Variants in RBFOX1 observed in about 807,000 individuals in gnomAD.
The protein encoded by RBFOX1 is RNA binding protein fox-1 homolog 1.
RBFOX1 carries 8 observed loss-of-function variants against 57.7 expected under a neutral mutation model. The observed-to-expected ratio is 0.14, with a 90% confidence interval of 0.08 to 0.25. The LOEUF is 0.25. Ranked by LOEUF, RBFOX1 falls within the 10% of genes least tolerant of loss-of-function variation. The pLI is 1.00. For missense variants in RBFOX1, 611 were observed against 548.5 expected, an observed-to-expected ratio of 1.11 and a Z score of -1.14; for synonymous variants, 326 against 222.4, an observed-to-expected ratio of 1.47 and a Z score of -4.15.
chr16:7,144,417 C>CTTCTTCT lies in RBFOX1; in HGVS notation c.27+92321_27+92322insCTTCTTT, dbSNP rs3046798. On this transcript the variant is annotated intron_variant, in intron 4 of 15. Transcript: ENST00000550418. ...TCTTTTCTCTTTCTTTTTCTTTCTT[C>CTTCTTCT]TTTTTTTTTTTTTTTTTTTTTGAGT... Among the ~76,000 whole-genome samples, 312 of 66,914 alleles carry CTTCTTCT rather than the reference C, an allele frequency of 4.7e-3. 8 individuals carry two copies. The highest frequency in any genetic ancestry group is 0.031 in the Middle Eastern group (2 of 64). The allele number at this position is 66,914 out of a possible 152,430, so 43.9% of individuals were successfully genotyped here.
chr16:6,247,092 T>A (rs554206891), intron 1 of RBFOX1, among the ~76,000 whole-genome samples: 2 of 152,216 alleles, frequency 1.3e-5, no homozygotes, highest in African/African-American at 4.8e-5. Flanking sequence ...CTAAAAAAAA[T>A]TCTGACCACT....
intron 11 of RBFOX1, among the ~76,000 whole-genome samples, chr16:7,635,582 C>G (rs536004250): frequency 2.0e-5 from 3 of 151,826 alleles, no homozygotes; most frequent in Non-Finnish European, 4.4e-5. Flanking sequence ...GGGCGGGGGA[C>G]GGTGTGTTAT....
intron 3 of RBFOX1, among the ~76,000 whole-genome samples, chr16:5,741,985 C>G (rs2052784427): frequency 6.6e-6 from 1 of 152,172 alleles, no homozygotes; most frequent in African/African-American, 2.4e-5. Flanking sequence ...CTCCTCTCTT[C>G]TCAGTCTTTT....
rs1208475850 is a variant in RBFOX1, at chr16:7,281,043, C to T, written c.27+228945C>T. ...TCCGAGACAGAGTGAGTCTCCTTCA[C>T]CCAGGCTGAAGTGCAGTGGCACAGT... On this transcript the variant is annotated intron_variant, in intron 4 of 15. Transcript: ENST00000550418. Among the ~76,000 whole-genome samples the T allele has an allele frequency of 3.6e-5, 5 of 139,816 alleles. No homozygotes were observed. In the Admixed American group the frequency reaches 3.7e-4, roughly 10 times the overall value. The allele number at this position is 139,816 out of a possible 152,430, so 91.7% of individuals were successfully genotyped here.
At chr16:7,074,990 G>A (rs116706230) in intron 4 of RBFOX1, among the ~76,000 whole-genome samples, 1,541 of 152,164 alleles carry the variant, frequency 0.01, 30 homozygotes, top group African/African-American at 0.035. Flanking sequence ...TCAAAGGGAA[G>A]TCAAAGGGTG....
At chr16:6,569,479 C>T (rs1346138013) in intron 2 of RBFOX1, among the ~76,000 whole-genome samples, 1 of 152,192 alleles carries the variant, frequency 6.6e-6, no homozygotes, top group Non-Finnish European at 1.5e-5. Flanking sequence ...GTAATTGTTG[C>T]TTCCCATAGC....
intron 3 of RBFOX1, among the ~76,000 whole-genome samples, chr16:6,808,632 A>G (rs76654073): frequency 0.031 from 4,678 of 152,224 alleles, 235 homozygotes; most frequent in African/African-American, 0.11. Context: ...TTTTGAATAG[A>G]TAATAGATTA....
At chr16:6,665,824 C>A (rs367688322) in intron 3 of RBFOX1, among the ~76,000 whole-genome samples, 7 of 151,920 alleles carry the variant, frequency 4.6e-5, no homozygotes, top group African/African-American at 9.7e-5. Flanking sequence ...AAGACAGATA[C>A]AATATTTATC....
At chr16:7,411,550 C>A (rs2098425164) in intron 4 of RBFOX1, among the ~76,000 whole-genome samples, 1 of 152,142 alleles carries the variant, frequency 6.6e-6, no homozygotes, top group Admixed American at 6.5e-5. Flanking sequence ...AGAAAAACAT[C>A]AGTCAACTTC....
intron 3 of RBFOX1, among the ~76,000 whole-genome samples, chr16:5,766,198 A>G (rs2053771605): frequency 6.6e-6 from 1 of 152,192 alleles, no homozygotes; most frequent in Non-Finnish European, 1.5e-5. Flanking sequence ...TTGTCTAGCC[A>G]TGATGTGGGG....
At chr16:6,675,165 A>G (rs146915511) in intron 3 of RBFOX1, among the ~76,000 whole-genome samples, 2 of 152,068 alleles carry the variant, frequency 1.3e-5, no homozygotes, top group African/African-American at 4.8e-5. Flanking sequence ...CGGCCTCCCA[A>G]AGTGCTGGGT....
At chr16:6,251,259 G>A (rs2097608688) in intron 1 of RBFOX1, among the ~76,000 whole-genome samples, 10 of 152,158 alleles carry the variant, frequency 6.6e-5, no homozygotes, top group Admixed American at 6.5e-4. Context: ...ACCCCAGAGA[G>A]TGAGAGTCAC....
At chr16:5,465,232 C>G (rs1039877791) in intron 1 of RBFOX1, among the ~76,000 whole-genome samples, 8 of 152,186 alleles carry the variant, frequency 5.3e-5, no homozygotes, top group Non-Finnish European at 7.4e-5. Context: ...AGGTGGCCAT[C>G]TCCTTGCTGC....
intron 3 of RBFOX1, among the ~76,000 whole-genome samples, chr16:5,612,233 C>CATT (rs1596454780): frequency 9.2e-6 from 1 of 108,260 alleles, no homozygotes; most frequent in East Asian, 3.4e-4. Flanking sequence ...ATTCATTCAT[C>CATT]TACTCTCCCA....
intron 1 of RBFOX1, among the ~76,000 whole-genome samples, chr16:6,151,798 G>C (rs1160352344): frequency 6.6e-6 from 1 of 152,192 alleles, no homozygotes; most frequent in Non-Finnish European, 1.5e-5. Flanking sequence ...TTCTTTCTTT[G>C]CCTGTATTAA....
chr16:7,330,653 G>C (rs924868120), intron 4 of RBFOX1, among the ~76,000 whole-genome samples: 6 of 151,982 alleles, frequency 3.9e-5, no homozygotes. Flanking sequence ...AGGGGATATA[G>C]TTACCTCTCT....
rs1480660422 is a variant in RBFOX1 at position 5,433,302 on chromosome 16, C to T, written c.220-33914C>T. ...GCAGGCCTGTCTCTTGTGAGAACTT[C>T]ACAGCAGGCATCTTCTGGGGGCTCC... On this transcript the variant is annotated intron_variant, in intron 1 of 2. Transcript: ENST00000585867. Among the ~76,000 whole-genome samples, 3 of 152,206 alleles carry T rather than the reference C, an allele frequency of 2.0e-5. No individual in the cohort carries two copies. In the East Asian group the frequency reaches 5.8e-4, roughly 29 times the overall value.
At chr16:7,439,057 C>A (rs985110943) in intron 4 of RBFOX1, among the ~76,000 whole-genome samples, 1 of 151,962 alleles carries the variant, frequency 6.6e-6, no homozygotes, top group Non-Finnish European at 1.5e-5. Context: ...TTTTGTTGAG[C>A]CAACGCAGAG....
intron 1 of RBFOX1, among the ~76,000 whole-genome samples, chr16:6,136,121 T>A (rs563753560): frequency 6.6e-6 from 1 of 152,216 alleles, no homozygotes; most frequent in South Asian, 2.1e-4. Flanking sequence ...CCATTGACTT[T>A]AGGTACTTTG....
Sources: allele counts gnomAD v4.1 joint callset (sites outside exome capture counted in the v4.1 genomes callset), GRCh38; gene constraint gnomAD v4.1.1; transcripts MANE v1.5; gene names NCBI Gene and HGNC (gene_info 2026-07-23, HGNC 2026-07-21).